Variants in PCNT observed in about 807,000 individuals in gnomAD.
The protein encoded by PCNT is kendrin.
A neutral mutation model predicts 380.4 loss-of-function variants in PCNT; 319 were observed. The observed-to-expected ratio is 0.84, with a 90% CI of 0.77 to 0.92. PCNT has a LOEUF of 0.92. Among genes scored for constraint, PCNT ranks in the 40% least tolerant of loss-of-function variants. The pLI is 0.00. For missense variants in PCNT, 4,400 were observed against 4,255.3 expected (o/e 1.03, Z -0.95); for synonymous variants, 1,845 against 1,735.2 (o/e 1.06, Z -1.57).
At chr21:46,439,176 C>T (rs1367650140) in intron 41 of PCNT, among the ~76,000 whole-genome samples, 1 of 152,088 alleles carries the variant, frequency 6.6e-6, no homozygotes, top group Non-Finnish European at 1.5e-5. Context: ...ACACACATCC[C>T]TGTAACCTTC....
chr21:46,326,360 T>C lies in PCNT; in HGVS notation c.55-17T>C, dbSNP rs781316159. 5.0e-6 allele frequency: 8 copies of C among 1,613,328 alleles called. No homozygotes were observed. Among genetic ancestry groups the C allele is most frequent in the Non-Finnish European group, 5.9e-6 (7 of 1,179,372 alleles). On this transcript the variant is annotated splice_polypyrimidine_tract_variant and intron_variant, in intron 1 of 46. Transcript: ENST00000359568. The stretch of plus-strand genomic sequence containing the variant: ...CACTTACCTTTGCCTTTACTACTTA[T>C]CTACATTTTTGCGCAGCTTGCTCAC...
At chr21:46,334,342 G>A in intron 2 of PCNT, 55 bp from the exon 3 acceptor site, 1 of 1,612,904 alleles carries the variant, frequency 6.2e-7, no homozygotes, top group Non-Finnish European at 8.5e-7. Flanking sequence ...AAGGGCCTGA[G>A]GCTGCAGCCC....
chr21:46,377,372 A>G (rs2085362431), intron 15 of PCNT, among the ~76,000 whole-genome samples: 2 of 152,230 alleles, frequency 1.3e-5, no homozygotes, highest in African/African-American at 2.4e-5. Flanking sequence ...AAGTAGATAC[A>G]AAAAACTTAC....
At chr21:46,419,270 A>G (rs1321489102) in intron 31 of PCNT, among the ~76,000 whole-genome samples, 1 of 152,168 alleles carries the variant, frequency 6.6e-6, no homozygotes, top group East Asian at 1.9e-4. Flanking sequence ...TTTGATGAAT[A>G]GTGAGCACGC....
chr21:46,370,030 C>A (rs763433504), intron 15 of PCNT, among the ~76,000 whole-genome samples: 1 of 152,198 alleles, frequency 6.6e-6, no homozygotes, highest in Non-Finnish European at 1.5e-5. Context: ...AGCAGCTCCA[C>A]GTGTGTGGTT....
chr21:46,388,964 G>A lies in PCNT; in HGVS notation c.3607+80G>A, dbSNP rs2085938236. 1.8e-5 allele frequency: 28 copies of A among 1,523,404 alleles called. No individual in the cohort carries two copies. Among genetic ancestry groups the A allele is most frequent in the Non-Finnish European group, 2.1e-5 (24 of 1,135,054 alleles). 94.4% of individuals were successfully genotyped at this position (1,523,404 alleles called of 1,614,324 possible). A position where few individuals can be genotyped will look rare whatever the true frequency, so the allele number is the denominator to read the frequency against. Reference sequence around the variant, plus strand: ...CTGGAGCTCTCTGAGAGGAGCCTCCGTATTGGGCGATGCCCTTGGGAGCAC... The same window carrying A: ...CTGGAGCTCTCTGAGAGGAGCCTCCATATTGGGCGATGCCCTTGGGAGCAC... On this transcript the variant is annotated intron_variant, in intron 18 of 46. Coordinates refer to ENST00000359568, the MANE Select transcript of PCNT (RefSeq NM_006031.6). This position sits in a 1 kb window ranked among gnomAD's most constrained non-coding sequence, Gnocchi z 4.2.
chr21:46,406,743 T>G (rs2086632945), intron 27 of PCNT, among the ~76,000 whole-genome samples: 1 of 152,226 alleles, frequency 6.6e-6, no homozygotes. Context: ...AGGTGCCTTT[T>G]TATCAGATCA....
chr21:46,441,988 G>A (rs1339595030), intron 43 of PCNT, among the ~76,000 whole-genome samples: 1 of 152,144 alleles, frequency 6.6e-6, no homozygotes, highest in Non-Finnish European at 1.5e-5. Flanking sequence ...GGGCGTCTGG[G>A]GCCCTGCACA....
Position 46,428,552 on chromosome 21 carries a change from C to T in PCNT, c.7652C>T (p.Ala2551Val), listed in dbSNP as rs12481791. 0.019 allele frequency: 30,356 copies of T among 1,606,570 alleles called. 366 individuals carry two copies. The highest frequency in any genetic ancestry group is 0.023 in the Non-Finnish European group (26,767 of 1,179,262). ...HLRTALTSAE[A>V]RGSQQEHQLR... is the part of the protein sequence containing the mutation. ...CGCACGGCGCTGACAAGCGCAGAGG[C>T]GCGCGGGAGCCAGCAGGAGCACCAG... Residue 2551 changes from alanine to valine, a missense_variant, in exon 35 of 47, where the codon GCG becomes GTG. By Grantham distance (64) the Ala-to-Val change is moderately conservative. Coordinates refer to ENST00000359568, the MANE Select transcript of PCNT (RefSeq NM_006031.6).
At chr21:46,383,348 C>T (rs1331679975) in intron 16 of PCNT, among the ~76,000 whole-genome samples, 2 of 132,444 alleles carry the variant, frequency 1.5e-5, no homozygotes, top group Admixed American at 8.0e-5. Context: ...TCACGGTGTG[C>T]ATTCAGTGGC....
At chr21:46,434,492 G>T (rs1232920566) in intron 38 of PCNT, among the ~76,000 whole-genome samples, 1 of 152,244 alleles carries the variant, frequency 6.6e-6, no homozygotes, top group East Asian at 1.9e-4. Context: ...ATCTGTCTTT[G>T]TGTTGTCACA....
rs773246951 is a variant in PCNT at position 46,401,610 on chromosome 21, G to T, written c.4851G>T (p.Gln1617His). ...GCTTGCTTCTGGCGTCCACGTTGCAGTCTACACTAGATGCAGGCAGATGTC... is the reference window on the plus strand; with the variant it reads ...GCTTGCTTCTGGCGTCCACGTTGCATTCTACACTAGATGCAGGCAGATGTC... ...MSSLLLASTLQSTLDAGRCPE... is the reference protein window; with the variant it reads ...MSSLLLASTLHSTLDAGRCPE... Residue 1617 changes from glutamine (Q) to histidine (H), a missense_variant, in exon 26 of 47, where the codon CAG becomes CAT. By Grantham distance (24) the Gln-to-His change is conservative. Coordinates refer to ENST00000359568, the MANE Select transcript of PCNT (RefSeq NM_006031.6). 6.2e-7 allele frequency: 1 copy of T among 1,613,772 alleles called. No homozygotes were observed. The highest frequency in any genetic ancestry group is 8.5e-7 in the Non-Finnish European group (1 of 1,179,802).
At chr21:46,416,009 C>T (rs2087012256) in intron 29 of PCNT, 60 bp from the exon 30 acceptor site, 2 of 1,554,930 alleles carry the variant, frequency 1.3e-6, no homozygotes, top group East Asian at 4.5e-5. Context: ...TAACACCAGA[C>T]AGGTGCGACT....
intron 29 of PCNT, among the ~76,000 whole-genome samples, chr21:46,414,949 A>C (rs976420314): frequency 2.6e-5 from 4 of 152,102 alleles, no homozygotes; most frequent in African/African-American, 9.7e-5. Flanking sequence ...CTACTCCTCC[A>C]GGCTCTGAAA....
chr21:46,390,589 A>C, intron 19 of PCNT, 81 bp from the exon 20 acceptor site: 2 of 1,466,816 alleles, frequency 1.4e-6, no homozygotes, highest in Non-Finnish European at 9.5e-7. Context: ...GTCTGGGGGT[A>C]GAAGTGGCGT....
chr21:46,400,324 G>T (rs561144826), intron 25 of PCNT, among the ~76,000 whole-genome samples: 1 of 152,182 alleles, frequency 6.6e-6, no homozygotes, highest in South Asian at 2.1e-4. Context: ...GGGCAGGGCT[G>T]CCTGTCTGCA....
intron 33 of PCNT, among the ~76,000 whole-genome samples, chr21:46,426,661 A>G (rs1047384839): frequency 6.6e-6 from 1 of 152,050 alleles, no homozygotes; most frequent in Admixed American, 6.5e-5. Context: ...CCACACCCCA[A>G]GCCCCAGCAA....
intron 2 of PCNT, among the ~76,000 whole-genome samples, chr21:46,328,989 T>C (rs970477136): frequency 2.0e-5 from 3 of 151,560 alleles, no homozygotes; most frequent in Non-Finnish European, 4.4e-5. Context: ...TTGGCCAGGC[T>C]GGTCTCGAAC....
chr21:46,357,241 C>G (rs1020143303), intron 13 of PCNT, 50 bp downstream of exon 13: 7 of 1,299,318 alleles, frequency 5.4e-6, no homozygotes, highest in Admixed American at 1.7e-5. Flanking sequence ...TCCTTGCTCT[C>G]TTCCACCTGG....
Sources: gnomAD v4.1 joint callset for allele counts (sites outside exome capture counted in the v4.1 genomes callset) on GRCh38, gnomAD v4.1.1 for gene constraint, Gnocchi (gnomAD v3.1) non-coding constraint, MANE v1.5 for transcripts, NCBI Gene and HGNC (gene_info 2026-07-23, HGNC 2026-07-21) for gene names.